The following MORC1 variants were observed in gnomAD, a reference collection of about 807,000 sequenced individuals.
MORC1 encodes MORC family CW-type zinc finger protein 1.
In MORC1, 59 loss-of-function variants were observed where a neutral mutation model predicts 134.9. The ratio of observed to expected loss-of-function variants is 0.44; its 90% CI spans 0.35 to 0.54. The LOEUF is 0.54. MORC1 is among the 20% of genes least tolerant of loss of function. The pLI is 0.00. For missense variants in MORC1, 947 were observed against 1,134.5 expected (o/e 0.83, Z 2.37); for synonymous variants, 395 against 391.7 (o/e 1.01, Z -0.10).
At chr3:108,960,232 C>G (rs1032123794) in intron 27 of MORC1, among the ~76,000 whole-genome samples, 5 of 152,202 alleles carry the variant, frequency 3.3e-5, no homozygotes, top group Admixed American at 6.5e-5. Flanking sequence ...GCCAACACCA[C>G]AGACATCTCA....
At chr3:109,058,546 G>C (rs1559926732) in intron 12 of MORC1, among the ~76,000 whole-genome samples, 1 of 151,886 alleles carries the variant, frequency 6.6e-6, no homozygotes, top group Non-Finnish European at 1.5e-5. Context: ...TATCATTAAA[G>C]AACAATGATA....
chr3:109,076,541 A>C (rs58453159), intron 8 of MORC1, among the ~76,000 whole-genome samples: 1,909 of 152,314 alleles, frequency 0.013, 39 homozygotes, highest in African/African-American at 0.042. Context: ...TGTTTATTGC[A>C]GCACTATTCA....
rs1407016172 is a variant in MORC1, at chr3:108,979,648, C to G, written c.2344G>C (p.Glu782Gln). Residue 782 changes from glutamate to glutamine, a missense_variant, in exon 24 of 28, where the codon GAA becomes CAA. Physicochemically the swap from Glu to Gln is conservative, Grantham distance 29. Around this residue, in one of 3 missense-constraint regions of MORC1, gnomAD observed 722 missense variants for 817.0 expected, o/e 0.88. Transcript: ENST00000232603. ...TGTCCAGAACTTAGATTCACATCTT[C>G]CATCGGCACATTGAGCAAGCTGAGG... ...SWKSLLNVPM[E>Q]DVNLSSGHIA... The G allele has an allele frequency of 6.2e-7, 1 of 1,613,904 alleles. No individual in the cohort carries two copies. Among genetic ancestry groups the G allele is most frequent in the Non-Finnish European group, 8.5e-7 (1 of 1,179,920 alleles).
chr3:109,112,586 G>A (rs1033548648), intron 2 of MORC1, among the ~76,000 whole-genome samples: 1 of 152,182 alleles, frequency 6.6e-6, no homozygotes, highest in Non-Finnish European at 1.5e-5. Flanking sequence ...ATGAGGCAAA[G>A]CTGAAGGCAT....
intron 20 of MORC1, among the ~76,000 whole-genome samples, chr3:109,001,304 C>A (rs896560258): frequency 6.6e-6 from 1 of 152,016 alleles, no homozygotes; most frequent in Non-Finnish European, 1.5e-5. Context: ...GGGAAATTAG[C>A]TTATCTTTCT....
intron 1 of MORC1, among the ~76,000 whole-genome samples, chr3:109,116,652 T>G (rs1006540215): frequency 6.6e-6 from 1 of 152,078 alleles, no homozygotes; most frequent in African/African-American, 2.4e-5. Flanking sequence ...TAGGGGTGCA[T>G]GCGTGTAGTC....
rs4855576 is a variant in MORC1 at position 109,035,391 on chromosome 3, A to T, written c.1408T>A (p.Phe470Ile). The change falls in exon 15 of 28, where the codon TTT becomes ATT. Residue 470 changes from phenylalanine to isoleucine, a missense_variant. Transcript: ENST00000232603. ...ATGGCTTGTCTTCTTTGATATTGAA[A>T]AGAATTTAAAGGTTTCTCCACATCG... ...DIDVEKPLNS[F>I]QYQRRQAMGI... 1,521,466 of 1,575,474 alleles carry T rather than the reference A, an allele frequency of 0.97. 737,964 individuals are homozygous for T. Among genetic ancestry groups the T allele is most frequent in the East Asian group, 1 (44,231 of 44,236 alleles).
chr3:109,063,899 T>G (rs1449102501), intron 9 of MORC1, among the ~76,000 whole-genome samples: 1 of 152,076 alleles, frequency 6.6e-6, no homozygotes, highest in Non-Finnish European at 1.5e-5. Context: ...TTATAGAAAA[T>G]TCCTGGAACC....
At chr3:108,980,384 C>T (rs758243993) in intron 23 of MORC1, among the ~76,000 whole-genome samples, 30 of 152,112 alleles carry the variant, frequency 2.0e-4, no homozygotes, top group Non-Finnish European at 4.3e-4. Context: ...CCTTTACAAC[C>T]TATTTCTGCC....
intron 14 of MORC1, among the ~76,000 whole-genome samples, chr3:109,042,551 C>A (rs1949577799): frequency 6.6e-6 from 1 of 152,132 alleles, no homozygotes; most frequent in Non-Finnish European, 1.5e-5. Context: ...AATAGAACTA[C>A]TATATGATCC....
At chr3:108,989,234 G>C (rs1360726215) in intron 21 of MORC1, among the ~76,000 whole-genome samples, 1 of 152,096 alleles carries the variant, frequency 6.6e-6, no homozygotes, top group Non-Finnish European at 1.5e-5. Flanking sequence ...TTTCCTTATA[G>C]AAATGTTCTT....
At chr3:109,086,040 G>A (rs1332670874) in intron 8 of MORC1, among the ~76,000 whole-genome samples, 21 of 152,016 alleles carry the variant, frequency 1.4e-4, no homozygotes, top group Admixed American at 1.3e-3. Flanking sequence ...AGCTTAAAAA[G>A]TGAATCTCAT....
At chr3:109,086,365 C>G (rs2107744874) in intron 8 of MORC1, among the ~76,000 whole-genome samples, 1 of 151,748 alleles carries the variant, frequency 6.6e-6, no homozygotes, top group South Asian at 2.1e-4. Flanking sequence ...TATTATTTAC[C>G]AATATACTCT....
At chr3:109,004,502 C>A (rs1448129445) in intron 20 of MORC1, among the ~76,000 whole-genome samples, 1 of 151,634 alleles carries the variant, frequency 6.6e-6, no homozygotes, top group Non-Finnish European at 1.5e-5. Context: ...AATCTGAGGG[C>A]AAATTCTCAA....
chr3:109,099,701 G>A lies in MORC1; in HGVS notation c.315-235C>T, dbSNP rs531947901. Among the ~76,000 whole-genome samples, 18 of 151,984 alleles carry A rather than the reference G, an allele frequency of 1.2e-4. No individual in the cohort carries two copies. The South Asian group carries it at 3.6e-3, about 30-fold the overall frequency. On this transcript the variant is annotated intron_variant, in intron 5 of 27. Transcript: ENST00000232603. Reference sequence around the variant, plus strand: ...GGCTGCAGGGGAAAGGGTCCATTCAGGGCTCAAAAGAACAATCATCTGTCT... The same window carrying A: ...GGCTGCAGGGGAAAGGGTCCATTCAAGGCTCAAAAGAACAATCATCTGTCT...
chr3:108,968,084 A>G lies in MORC1; in HGVS notation c.2604+1585T>C, dbSNP rs118151676. ...TGGCAGCTCTAGTGGCTCCCAATCA[A>G]TCAATCCCAGTTTTACATTATTGAT... On this transcript the variant is annotated intron_variant, in intron 26 of 27. Coordinates refer to ENST00000232603, the MANE Select transcript of MORC1 (RefSeq NM_014429.4). Among the ~76,000 whole-genome samples the G allele has an allele frequency of 9.8e-4, 150 of 152,336 alleles. No homozygotes were observed. The East Asian group carries it at 0.025, about 25-fold the overall frequency.
chr3:108,988,566 G>C lies in MORC1; in HGVS notation c.2188-1617C>G, dbSNP rs181086680. On this transcript the variant is annotated intron_variant, in intron 21 of 27. Transcript: ENST00000232603. ...CCAACTTCAGACTAAAGACTTTTCA[G>C]ACCAGTTTATAAGCAGCATAGACTA... Among the ~76,000 whole-genome samples the C allele has an allele frequency of 1.9e-3, 289 of 152,200 alleles. 1 individual carries two copies. Among genetic ancestry groups the C allele is most frequent in the Non-Finnish European group, 2.9e-3 (198 of 67,992 alleles).
chr3:109,103,631 T>C (rs1218712130), intron 4 of MORC1, among the ~76,000 whole-genome samples: 1 of 152,234 alleles, frequency 6.6e-6, no homozygotes, highest in African/African-American at 2.4e-5. Context: ...CTGACAATAT[T>C]AATATACATT....
Position 109,007,732 on chromosome 3 carries a change from G to A in MORC1, c.1705-641C>T, listed in dbSNP as rs78932716. On this transcript the variant is annotated intron_variant, in intron 17 of 27. Transcript: ENST00000232603. ...AACTAATTGCTTTATCTTCTATGCC[G>A]TCATGGCATTGTTTCTCTTCACATG... 2.0e-3 allele frequency among the ~76,000 whole-genome samples: 312 copies of A among 152,238 alleles called. 6 individuals carry two copies. In the East Asian group the frequency reaches 0.036, roughly 18 times the overall value.
Sources: allele counts gnomAD v4.1 joint callset (sites outside exome capture counted in the v4.1 genomes callset), GRCh38; gene constraint gnomAD v4.1.1; regional missense constraint gnomAD v4.1.1; transcripts MANE v1.5; gene names NCBI Gene and HGNC (gene_info 2026-07-23, HGNC 2026-07-21).